Variants in SGCZ observed in about 807,000 individuals in gnomAD.
SGCZ encodes the protein zeta-sarcoglycan.
Under a neutral mutation model 41.3 loss-of-function variants are expected in SGCZ, and 40 were observed. The observed-to-expected ratio is 0.97, with a 90% CI of 0.75 to 1.26. The LOEUF is 1.26. SGCZ is among the 50% of genes most tolerant of loss of function. The pLI is 0.00. For synonymous variants in SGCZ, 206 were observed against 137.5 expected (o/e 1.50, Z -3.49); for missense variants, 552 against 369.8 (o/e 1.49, Z -4.04).
chr8:15,147,886 A>C (rs747203920), intron 1 of SGCZ, among the ~76,000 whole-genome samples: 1 of 152,216 alleles, frequency 6.6e-6, no homozygotes, highest in Non-Finnish European at 1.5e-5. Flanking sequence ...CCTCTGGACA[A>C]ACCATATAAA....
chr8:14,758,899 T>G (rs1799768854), intron 1 of SGCZ, among the ~76,000 whole-genome samples: 1 of 151,614 alleles, frequency 6.6e-6, no homozygotes, highest in Non-Finnish European at 1.5e-5. Context: ...TCTCAGCTAC[T>G]TGGGAGGCTG....
chr8:14,390,782 A>C (rs1203462005), intron 2 of SGCZ, among the ~76,000 whole-genome samples: 1 of 152,058 alleles, frequency 6.6e-6, no homozygotes, highest in Admixed American at 6.6e-5. Flanking sequence ...TATATTAGCA[A>C]AATATCTGGT....
chr8:14,264,736 C>T (rs1799814792), intron 3 of SGCZ, among the ~76,000 whole-genome samples: 1 of 152,112 alleles, frequency 6.6e-6, no homozygotes, highest in Non-Finnish European at 1.5e-5. Context: ...CCGAGGCGGG[C>T]GGATCACGAG....
chr8:14,151,017 C>T (rs970031288), intron 5 of SGCZ, among the ~76,000 whole-genome samples: 2 of 152,076 alleles, frequency 1.3e-5, no homozygotes, highest in East Asian at 1.9e-4. Flanking sequence ...GATTACCAGA[C>T]GCTGGGAATG....
intron 1 of SGCZ, among the ~76,000 whole-genome samples, chr8:14,907,444 T>A (rs1327371318): frequency 6.6e-6 from 1 of 152,240 alleles, no homozygotes; most frequent in African/African-American, 2.4e-5. Flanking sequence ...TGCCTCAGCC[T>A]CTCAAAGTGC....
chr8:14,152,056 A>C (rs1335676903), intron 5 of SGCZ, among the ~76,000 whole-genome samples: 1 of 152,110 alleles, frequency 6.6e-6, no homozygotes, highest in South Asian at 2.1e-4. Flanking sequence ...CCAAAAGCAC[A>C]ATTCATTTAA....
intron 3 of SGCZ, among the ~76,000 whole-genome samples, chr8:14,279,186 G>A (rs980410686): frequency 6.6e-6 from 1 of 151,682 alleles, no homozygotes; most frequent in African/African-American, 2.4e-5. Flanking sequence ...TCCCTGAGGA[G>A]CAAGGGGGGA....
At chr8:15,056,052 T>C (rs1804690077) in intron 1 of SGCZ, among the ~76,000 whole-genome samples, 1 of 152,200 alleles carries the variant, frequency 6.6e-6, no homozygotes. Flanking sequence ...GTTTAGAAAA[T>C]GCATTTAAGC....
At chr8:14,777,857 T>C (rs1800462108) in intron 1 of SGCZ, among the ~76,000 whole-genome samples, 1 of 151,346 alleles carries the variant, frequency 6.6e-6, no homozygotes, top group African/African-American at 2.4e-5. Context: ...AGAAGTTATT[T>C]GTACATATCT....
intron 1 of SGCZ, among the ~76,000 whole-genome samples, chr8:15,012,586 A>G (rs1802869365): frequency 1.9e-5 from 1 of 53,522 alleles, no homozygotes; most frequent in South Asian, 6.7e-4. Context: ...TTTATATAAC[A>G]TATAAATATA....
At chr8:15,031,917 CT>C (rs1803682564) in intron 1 of SGCZ, among the ~76,000 whole-genome samples, 1 of 151,420 alleles carries the variant, frequency 6.6e-6, no homozygotes, top group Non-Finnish European at 1.5e-5. Flanking sequence ...CTCTCTCTCT[CT>C]CTCTCTCTCT....
At chr8:14,669,231 A>C (rs1808017040) in intron 1 of SGCZ, among the ~76,000 whole-genome samples, 1 of 150,742 alleles carries the variant, frequency 6.6e-6, no homozygotes, top group Non-Finnish European at 1.5e-5. Context: ...AGTAGCTTGC[A>C]CCTGTAATCC....
chr8:14,774,425 A>G (rs1800339560), intron 1 of SGCZ, among the ~76,000 whole-genome samples: 1 of 152,204 alleles, frequency 6.6e-6, no homozygotes, highest in Admixed American at 6.5e-5. Flanking sequence ...AAGTTAGTTC[A>G]TGCTTCCTTC....
At chr8:14,579,339 A>G (rs1804811597) in intron 1 of SGCZ, among the ~76,000 whole-genome samples, 1 of 152,222 alleles carries the variant, frequency 6.6e-6, no homozygotes, top group Non-Finnish European at 1.5e-5. Flanking sequence ...AAATTATAAA[A>G]CAGAAACCTT....
Position 14,103,535 on chromosome 8 carries a change from T to C in SGCZ, c.621-1036A>G, listed in dbSNP as rs1446045148. Among the ~76,000 whole-genome samples the C allele has an allele frequency of 3.3e-5, 5 of 152,256 alleles. No homozygotes were observed. In the East Asian group the frequency reaches 9.7e-4, roughly 29 times the overall value. ...GTTTTGCAGAAAGAACCACCTCAAATGGTTAGGTCTCTGGAGTTCAGCTCC... is the reference window on the plus strand; with the variant it reads ...GTTTTGCAGAAAGAACCACCTCAAACGGTTAGGTCTCTGGAGTTCAGCTCC... On this transcript the variant is annotated intron_variant, in intron 6 of 7. Coordinates refer to ENST00000382080, the MANE Select transcript of SGCZ (RefSeq NM_139167.4).
chr8:14,958,481 G>T (rs930114167), intron 1 of SGCZ, among the ~76,000 whole-genome samples: 1 of 151,950 alleles, frequency 6.6e-6, no homozygotes, highest in African/African-American at 2.4e-5. Flanking sequence ...GAACACGAAA[G>T]GTCACATCCT....
intron 4 of SGCZ, 150 bp downstream of exon 4, chr8:14,237,442 A>T: frequency 1.5e-6 from 1 of 670,108 alleles, no homozygotes; most frequent in Non-Finnish European, 2.6e-6. Flanking sequence ...TCAGCCTCCC[A>T]AAGTGCACTC....
intron 1 of SGCZ, among the ~76,000 whole-genome samples, chr8:14,964,661 G>T (rs574887143): frequency 4.2e-4 from 64 of 152,202 alleles, no homozygotes; most frequent in Non-Finnish European, 7.1e-4. Flanking sequence ...AAGCGTTATG[G>T]TTCTTTTTTA....
chr8:14,171,461 T>C (rs1486024449), intron 4 of SGCZ, among the ~76,000 whole-genome samples: 1 of 152,048 alleles, frequency 6.6e-6, no homozygotes, highest in Non-Finnish European at 1.5e-5. Context: ...TCTGCAGATG[T>C]ATTCAACTGG....
Sources: allele counts gnomAD v4.1 joint callset (sites outside exome capture counted in the v4.1 genomes callset), GRCh38; gene constraint gnomAD v4.1.1; transcripts MANE v1.5; gene names NCBI Gene and HGNC (gene_info 2026-07-23, HGNC 2026-07-21).